RHOBTB1: variants seen among roughly 807,000 people sequenced by gnomAD.
RHOBTB1 encodes Rho related BTB domain containing 1.
Under a neutral mutation model 71.6 loss-of-function variants are expected in RHOBTB1, and 40 were observed. The observed-to-expected ratio is 0.56, with a 90% CI of 0.43 to 0.73. The LOEUF (loss-of-function observed/expected upper bound fraction) is 0.73. RHOBTB1 is among the 30% of genes least tolerant of loss of function. The pLI, the probability that RHOBTB1 is intolerant of heterozygous loss-of-function variation, is 0.00. For synonymous variants in RHOBTB1, 319 were observed against 334.9 expected (o/e 0.95, Z 0.52); for missense variants, 797 against 894.0 (o/e 0.89, Z 1.38).
At chr10:60,867,412 T>C (rs746039178), downstream of RHOBTB1, among the ~76,000 whole-genome samples, 5 of 152,228 alleles carry the variant, frequency 3.3e-5, no homozygotes, top group Non-Finnish European at 7.3e-5. Flanking sequence ...AGAACTTAAA[T>C]ACTCCTTCGA....
chr10:60,951,253 G>A (rs953784883), intron 2 of RHOBTB1, among the ~76,000 whole-genome samples: 1 of 152,120 alleles, frequency 6.6e-6, no homozygotes, highest in Admixed American at 6.5e-5. Context: ...CAGTGTCCTG[G>A]AAGGAGACCT....
At chr10:60,910,315 T>G (rs74877615) in intron 4 of RHOBTB1, among the ~76,000 whole-genome samples, 6,149 of 152,266 alleles carry the variant, frequency 0.04, 233 homozygotes, top group African/African-American at 0.098. Flanking sequence ...TACTAGATTT[T>G]TTTCTCCTTT....
At chr10:60,919,547 C>T (rs117680249) in intron 2 of RHOBTB1, among the ~76,000 whole-genome samples, 2,023 of 152,300 alleles carry the variant, frequency 0.013, 28 homozygotes, top group Middle Eastern at 0.037. Flanking sequence ...ATCAAAACTT[C>T]ACAGAATTAT....
rs539924968 is a variant in RHOBTB1 at position 60,920,771 on chromosome 10, C to G, written c.-10-9219G>C. 3.3e-5 allele frequency among the ~76,000 whole-genome samples: 5 copies of G among 152,112 alleles called. No individual in the cohort carries two copies. The South Asian group carries it at 1.0e-3, about 32-fold the overall frequency. Reference sequence around the variant, plus strand: ...CTCGGCTCAGGCCATCCTCTCACCTCAGCCTCTTGAGTAGCTGGGACTACA... The same window carrying G: ...CTCGGCTCAGGCCATCCTCTCACCTGAGCCTCTTGAGTAGCTGGGACTACA... On this transcript the variant is annotated intron_variant, in intron 2 of 10. Transcript: ENST00000337910.
At position 60,930,068 on chromosome 10, in the gene RHOBTB1, A is replaced by T. The variant is rs572526580; in HGVS notation, c.-11+11736T>A. ...AAAGCTCTATAATATGAACAAAAAA[A>T]TCTCAACCCTTGGAAATTAAGAAAA... On this transcript the variant is annotated intron_variant, in intron 2 of 10. Coordinates refer to ENST00000337910, the MANE Select transcript of RHOBTB1 (RefSeq NM_014836.5). Among the ~76,000 whole-genome samples the T allele has an allele frequency of 7.9e-5, 12 of 152,338 alleles. No homozygotes were observed. The South Asian group carries it at 2.5e-3, about 32-fold the overall frequency.
chr10:60,930,997 T>C (rs988004975), intron 2 of RHOBTB1, among the ~76,000 whole-genome samples: 10 of 151,394 alleles, frequency 6.6e-5, no homozygotes, highest in Admixed American at 3.9e-4. Flanking sequence ...CAGGAAGCAA[T>C]ATTGAAGTCT....
intron 2 of RHOBTB1, among the ~76,000 whole-genome samples, chr10:60,934,339 G>C (rs561037620): frequency 4.6e-5 from 7 of 152,180 alleles, no homozygotes; most frequent in African/African-American, 1.7e-4. Context: ...TGGTTATTCA[G>C]CTCCCTTTAC....
At chr10:60,976,299 CT>C (rs998774624) in intron 2 of RHOBTB1, among the ~76,000 whole-genome samples, 7 of 151,454 alleles carry the variant, frequency 4.6e-5, no homozygotes, top group Admixed American at 4.6e-4. Flanking sequence ...TGAAATGCTC[CT>C]TTTGACTATA....
intron 4 of RHOBTB1, among the ~76,000 whole-genome samples, chr10:60,902,042 T>C (rs1320214484): frequency 3.3e-5 from 5 of 152,198 alleles, no homozygotes; most frequent in African/African-American, 1.2e-4. Context: ...CACTCCGCTT[T>C]CCAAGGACAA....
At chr10:60,962,250 G>T (rs568387979) in intron 2 of RHOBTB1, among the ~76,000 whole-genome samples, 4 of 151,906 alleles carry the variant, frequency 2.6e-5, no homozygotes, top group Admixed American at 6.6e-5. Flanking sequence ...TTCTTTGTTG[G>T]AACTAAAATT....
chr10:60,950,605 G>A (rs900850624), intron 2 of RHOBTB1, among the ~76,000 whole-genome samples: 1 of 152,166 alleles, frequency 6.6e-6, no homozygotes, highest in African/African-American at 2.4e-5. Flanking sequence ...ACACCGCAAA[G>A]TTCCATATGT....
intron 4 of RHOBTB1, among the ~76,000 whole-genome samples, chr10:60,905,156 A>C (rs114277024): frequency 6.6e-6 from 1 of 152,164 alleles, no homozygotes; most frequent in Non-Finnish European, 1.5e-5. Context: ...ACTTAAAAAA[A>C]AAAAAAAATT....
At position 60,869,750 on chromosome 10, in the gene RHOBTB1, T is replaced by C. The variant is rs1416196420; in HGVS notation, c.*1732A>G. 1 of 152,534 alleles carries C rather than the reference T, an allele frequency of 6.6e-6. No homozygotes were observed. The highest frequency in any genetic ancestry group is 1.5e-5 in the Non-Finnish European group (1 of 68,028). 9.4% of individuals were successfully genotyped at this position (152,534 alleles called of 1,614,324 possible). A position where few individuals can be genotyped will look rare whatever the true frequency, so the allele number is the denominator to read the frequency against. ...TTCCACATCTTGTCTCCTTTCTCCT[T>C]CCATCGATAAGATTTACAAGCCTAT... On this transcript the variant is annotated 3_prime_UTR_variant, in exon 11 of 11. Coordinates refer to ENST00000337910, the MANE Select transcript of RHOBTB1 (RefSeq NM_014836.5).
chr10:60,946,585 G>A (rs2085245141), upstream of RHOBTB1, among the ~76,000 whole-genome samples: 1 of 152,150 alleles, frequency 6.6e-6, no homozygotes, highest in African/African-American at 2.4e-5. Flanking sequence ...ATTTGCACCT[G>A]GGGTTGTCTG....
At chr10:60,874,845 A>T in intron 9 of RHOBTB1, 109 bp downstream of exon 9, 1 of 776,116 alleles carries the variant, frequency 1.3e-6, no homozygotes, top group Non-Finnish European at 2.2e-6. Context: ...GGACTCTGTG[A>T]CTCAGTGGTG....
upstream of RHOBTB1, among the ~76,000 whole-genome samples, chr10:60,948,497 T>A (rs1417902736): frequency 6.6e-6 from 1 of 152,214 alleles, no homozygotes; most frequent in Non-Finnish European, 1.5e-5. Context: ...ATGCAGCTGG[T>A]CACAGCAGTG....
intron 2 of RHOBTB1, among the ~76,000 whole-genome samples, chr10:60,956,961 C>G (rs10821862): frequency 0.53 from 80,942 of 151,444 alleles, 21,829 homozygotes; most frequent in East Asian, 0.77. Context: ...CTTGAAAAAC[C>G]AACATATCGC....
At chr10:60,877,810 T>C in intron 8 of RHOBTB1, 98 bp downstream of exon 8, 2 of 1,289,544 alleles carry the variant, frequency 1.6e-6, no homozygotes, top group East Asian at 2.5e-5. Context: ...TTTTGGGTGA[T>C]AAAAAATCAA....
chr10:60,987,045 CA>C (rs1270980453), intron 1 of RHOBTB1, among the ~76,000 whole-genome samples: 2 of 152,086 alleles, frequency 1.3e-5, no homozygotes, highest in Non-Finnish European at 2.9e-5. Context: ...AGATGTGAGA[CA>C]AAACGGACAG....
Sources: gnomAD v4.1 joint callset for allele counts (sites outside exome capture counted in the v4.1 genomes callset) on GRCh38, gnomAD v4.1.1 for gene constraint, MANE v1.5 for transcripts, NCBI Gene and HGNC (gene_info 2026-07-23, HGNC 2026-07-21) for gene names.